HLA-DRB1: variants seen among roughly 807,000 people sequenced by gnomAD.
The protein encoded by HLA-DRB1 is major histocompatibility complex, class II, DR beta 1 precursor.
A neutral mutation model predicts 27.9 loss-of-function variants in HLA-DRB1; 10 were observed. The ratio of observed to expected loss-of-function variants is 0.36; its 90% CI spans 0.22 to 0.61. The LOEUF is 0.61. Ranked by LOEUF, HLA-DRB1 falls within the 20% of genes least tolerant of loss-of-function variation. HLA-DRB1 has a pLI of 0.73. For missense variants in HLA-DRB1, 118 were observed against 306.3 expected (o/e 0.39, Z 4.59); for synonymous variants, 57 against 126.7 (o/e 0.45, Z 3.69).
chr6:32,586,996 GA>G (rs1233327926), intron 1 of HLA-DRB1, among the ~76,000 whole-genome samples: 618 of 71,810 alleles, frequency 8.6e-3, no homozygotes, highest in East Asian at 0.014. Context: ...TGTTTTCCCT[GA>G]AGAATTCCCT....
chr6:32,585,947 T>A (rs1294698891), intron 1 of HLA-DRB1, among the ~76,000 whole-genome samples: 1 of 112,962 alleles, frequency 8.9e-6, no homozygotes, highest in Non-Finnish European at 1.8e-5. Flanking sequence ...CATTGCAAAA[T>A]GTTACATGGC....
chr6:32,581,336 A>ACTGATTCCACAG (rs1775446331), intron 3 of HLA-DRB1, among the ~76,000 whole-genome samples: 3 of 92,962 alleles, frequency 3.2e-5, no homozygotes, highest in African/African-American at 9.6e-5. Flanking sequence ...GGTTCAAAAG[A>ACTGATTCCACAG]GGGACAGTCT....
chr6:32,588,243 T>A (rs17203867), intron 1 of HLA-DRB1, among the ~76,000 whole-genome samples: 15,075 of 141,512 alleles, frequency 0.11, 1,270 homozygotes, highest in Non-Finnish European at 0.12. Context: ...ATTGCTTGAG[T>A]CCAGCAGTTC....
Position 32,584,091 on chromosome 6 carries a change from G to GC in HLA-DRB1, c.370+17dup, listed in dbSNP as rs9281872. ...CCCAGCTCACGGGGACTCAGGCCCC[G>GC]CCCGCGGCCATGCTCACCTCGCCGC... On this transcript the variant is annotated intron_variant, in intron 2 of 5. Coordinates refer to ENST00000360004, the Ensembl canonical transcript of HLA-DRB1. 239,162 of 934,384 alleles carry GC rather than the reference G, an allele frequency of 0.26. 109,240 individuals carry two copies. Among genetic ancestry groups the GC allele is most frequent in the Admixed American group, 0.49 (14,534 of 29,882 alleles). 57.9% of individuals were successfully genotyped at this position (934,384 alleles called of 1,614,324 possible). A position where few individuals can be genotyped will look rare whatever the true frequency, so the allele number is the denominator to read the frequency against.
intron 2 of HLA-DRB1, among the ~76,000 whole-genome samples, chr6:32,582,475 G>A (rs72850250): frequency 0.16 from 14,657 of 91,692 alleles, 1,850 homozygotes; most frequent in Admixed American, 0.16. Context: ...AAGGGACAGA[G>A]TTGGGTACAT....
Position 32,579,047 on chromosome 6 carries a change from A to G in HLA-DRB1, c.*44T>C, listed in dbSNP as rs200849525. On this transcript the variant is annotated 3_prime_UTR_variant, in exon 6 of 6. Transcript: ENST00000360004. The stretch of plus-strand genomic sequence containing the variant: ...AAGCAGGAAAGCTTTTCATCCTGCA[A>G]AGCCGGGGCAGAAAGTTCTTCCTTG... 1,225 of 633,954 alleles carry G rather than the reference A, an allele frequency of 1.9e-3. 305 individuals are homozygous for G. The African/African-American group carries it at 0.036, about 19-fold the overall frequency. 39.3% of individuals were successfully genotyped at this position (633,954 alleles called of 1,614,324 possible).
At chr6:32,586,920 C>G (rs1189532082) in intron 1 of HLA-DRB1, among the ~76,000 whole-genome samples, 3 of 110,120 alleles carry the variant, frequency 2.7e-5, no homozygotes, top group Non-Finnish European at 5.6e-5. Flanking sequence ...AAAATACATG[C>G]CAAGTCTGTC....
At chr6:32,588,511 C>T (rs28724201) in intron 1 of HLA-DRB1, among the ~76,000 whole-genome samples, 1,206 of 64,496 alleles carry the variant, frequency 0.019, 1 homozygote, top group East Asian at 0.071. Context: ...TCTGTGCAAG[C>T]TTTAGAGATT....
intron 1 of HLA-DRB1, among the ~76,000 whole-genome samples, chr6:32,587,699 T>C (rs17203664): frequency 0.34 from 32,345 of 94,044 alleles, 6,936 homozygotes; most frequent in Middle Eastern, 0.55. Flanking sequence ...CCCTAACATA[T>C]GAACTAAAGT....
At position 32,587,942 on chromosome 6, in the gene HLA-DRB1, C is replaced by T. The variant is rs958799420; in HGVS notation, c.100+1701G>A. 6.1e-3 allele frequency among the ~76,000 whole-genome samples: 889 copies of T among 145,112 alleles called. No individual in the cohort carries two copies. The East Asian group carries it at 0.063, about 10-fold the overall frequency. On this transcript the variant is annotated intron_variant, in intron 1 of 5. Transcript: ENST00000360004. Reference sequence around the variant, plus strand: ...TGCTGAGAAAAATAAGTGTGGTTTACATGAATAAACCAGGGTATGGGAACT... The same window carrying T: ...TGCTGAGAAAAATAAGTGTGGTTTATATGAATAAACCAGGGTATGGGAACT...
intron 2 of HLA-DRB1, among the ~76,000 whole-genome samples, chr6:32,583,096 G>T (rs9269877): frequency 4.7e-5 from 4 of 84,896 alleles, no homozygotes; most frequent in South Asian, 4.1e-4. Flanking sequence ...TACAAAGAAC[G>T]CAGAAAGTCA....
intron 1 of HLA-DRB1, among the ~76,000 whole-genome samples, chr6:32,585,501 C>A (rs1231132498): frequency 1.7e-5 from 2 of 115,352 alleles, no homozygotes; most frequent in Non-Finnish European, 3.5e-5. Context: ...TAGCACTGAT[C>A]ACATAATAAA....
At position 32,581,010 on chromosome 6, in the gene HLA-DRB1, A is replaced by G. The variant is rs1224511123; in HGVS notation, c.653-154T>C. 2.0e-5 allele frequency among the ~76,000 whole-genome samples: 2 copies of G among 97,808 alleles called. 1 individual carries two copies. Among genetic ancestry groups the G allele is most frequent in the Non-Finnish European group, 4.4e-5 (2 of 45,274 alleles). 64.2% of individuals were successfully genotyped at this position (97,808 alleles called of 152,430 possible). ...CAGGAGAAAAAAAGGATTTCAAATT[A>G]CACTGAACAGTTACGACGTTCAGAC... On this transcript the variant is annotated intron_variant, in intron 3 of 5. Coordinates refer to ENST00000360004, the Ensembl canonical transcript of HLA-DRB1.
chr6:32,586,658 C>G (rs9270093), intron 1 of HLA-DRB1, among the ~76,000 whole-genome samples: 3,516 of 43,674 alleles, frequency 0.081, 1,202 homozygotes, highest in Middle Eastern at 0.22. Flanking sequence ...ACATAAATAC[C>G]TGAAGCCCTG....
exon 6 of HLA-DRB1, chr6:32,578,981 C>T (rs1060129): frequency 0.15 from 59,632 of 398,868 alleles, 3,085 homozygotes; most frequent in African/African-American, 0.3. Context: ...CAGTAGCAAC[C>T]AGGTCCTGAG....
chr6:32,586,472 A>AT lies in HLA-DRB1; in HGVS notation c.101-2095dup, dbSNP rs1285874168. ...TCTCCCTTCTCCTTGAAAATAATCTATTTTCCTGGACTTACACACATGATG... is the reference window on the plus strand; with the variant it reads ...TCTCCCTTCTCCTTGAAAATAATCTATTTTTCCTGGACTTACACACATGATG... On this transcript the variant is annotated intron_variant, in intron 1 of 5. Coordinates refer to ENST00000360004, the Ensembl canonical transcript of HLA-DRB1. Among the ~76,000 whole-genome samples the AT allele has an allele frequency of 5.3e-5, 4 of 76,062 alleles. 2 individuals are homozygous for AT. Among genetic ancestry groups the AT allele is most frequent in the Admixed American group, 2.7e-4 (2 of 7,442 alleles). The allele number at this position is 76,062 out of a possible 152,430, so 49.9% of individuals were successfully genotyped here.
intron 1 of HLA-DRB1, among the ~76,000 whole-genome samples, chr6:32,587,871 C>T (rs6924089): frequency 6.8e-6 from 1 of 146,300 alleles, no homozygotes; most frequent in East Asian, 2.1e-4. Context: ...CTAACTTAAT[C>T]AAATAGAATG....
intron 1 of HLA-DRB1, among the ~76,000 whole-genome samples, chr6:32,587,837 C>A (rs12179357): frequency 7.6e-6 from 1 of 131,836 alleles, no homozygotes; most frequent in African/African-American, 2.9e-5. Context: ...TCTTGTGTAA[C>A]TTCCATGAGA....
chr6:32,589,405 A>T (rs1777021821), intron 1 of HLA-DRB1, among the ~76,000 whole-genome samples: 1 of 124,776 alleles, frequency 8.0e-6, no homozygotes, highest in Non-Finnish European at 1.7e-5. Context: ...CAAAGGTTTT[A>T]TTGGTGGAGA....
Sources: gnomAD v4.1 joint callset for allele counts (sites outside exome capture counted in the v4.1 genomes callset) on GRCh38, gnomAD v4.1.1 for gene constraint, MANE v1.5 for transcripts, NCBI Gene and HGNC (gene_info 2026-07-23, HGNC 2026-07-21) for gene names.